CEP295: variants seen among roughly 807,000 people sequenced by gnomAD.
The protein encoded by CEP295 is centrosomal protein 295.
A neutral mutation model predicts 291.6 loss-of-function variants in CEP295; 190 were observed. The observed-to-expected ratio is 0.65, with a 90% CI of 0.58 to 0.73. The LOEUF is 0.73. Among genes scored for constraint, CEP295 ranks in the 30% least tolerant of loss-of-function variants. CEP295 has a pLI of 0.00. For synonymous variants in CEP295, 993 were observed against 1,038.8 expected (o/e 0.96, Z 0.85); for missense variants, 2,863 against 2,949.4 (o/e 0.97, Z 0.68).
At chr11:93,710,251 T>C (rs1186444509) in intron 18 of CEP295, among the ~76,000 whole-genome samples, 1 of 152,222 alleles carries the variant, frequency 6.6e-6, no homozygotes, top group Non-Finnish European at 1.5e-5. Flanking sequence ...CCATTTGGTA[T>C]GATACTAGCT....
intron 15 of CEP295, among the ~76,000 whole-genome samples, chr11:93,700,810 A>T (rs1055238089): frequency 6.6e-6 from 1 of 152,216 alleles, no homozygotes; most frequent in Non-Finnish European, 1.5e-5. Flanking sequence ...ATAACTGGTT[A>T]GCAGAATTTC....
intron 7 of CEP295, among the ~76,000 whole-genome samples, chr11:93,680,728 T>C (rs1229680416): frequency 6.6e-6 from 1 of 152,262 alleles, no homozygotes; most frequent in African/African-American, 2.4e-5. Flanking sequence ...GCTTAACTTC[T>C]GTCATGCTTA....
intron 7 of CEP295, among the ~76,000 whole-genome samples, chr11:93,683,298 G>A (rs1242910007): frequency 3.9e-5 from 6 of 152,158 alleles, no homozygotes; most frequent in African/African-American, 1.4e-4. Flanking sequence ...CTCTTTCATT[G>A]TACTTACTAA....
intron 9 of CEP295, among the ~76,000 whole-genome samples, chr11:93,686,178 G>T (rs978855825): frequency 6.6e-6 from 1 of 152,046 alleles, no homozygotes; most frequent in Admixed American, 6.6e-5. Flanking sequence ...AATTAGCCGG[G>T]TGTAGTGGCG....
At position 93,727,299 on chromosome 11, in the gene CEP295, AGAAAG is replaced by A. The variant is rs1446111880; in HGVS notation, c.6829_6833del (p.Glu2277TyrfsTer4). 6.4e-7 allele frequency: 1 copy of A among 1,551,746 alleles called. No homozygotes were observed. Among genetic ancestry groups the A allele is most frequent in the Admixed American group, 2.0e-5 (1 of 51,010 alleles). On this transcript the variant is annotated frameshift_variant, in exon 24 of 30. Coordinates refer to ENST00000325212, the MANE Select transcript of CEP295 (RefSeq NM_033395.2). LOFTEE classifies it high-confidence loss of function. Reference sequence around the variant, plus strand: ...CTCAACAAAACACCAACTAGAAAGCAGAAAGGAAAGTATGGGCTTTGAAGAACTAT... The same window carrying A: ...CTCAACAAAACACCAACTAGAAAGCAGAAAGTATGGGCTTTGAAGAACTAT...
intron 8 of CEP295, 27 bp downstream of exon 8, chr11:93,683,769 A>G: frequency 6.6e-7 from 1 of 1,513,782 alleles, no homozygotes; most frequent in African/African-American, 1.4e-5. Flanking sequence ...AGGGCTTTCA[A>G]TAGTGATTTT....
At position 93,691,633 on chromosome 11, in the gene CEP295, G is replaced by C. The variant is rs941928590; in HGVS notation, c.1337-50G>C. On this transcript the variant is annotated intron_variant, in intron 10 of 29. Coordinates refer to ENST00000325212, the MANE Select transcript of CEP295 (RefSeq NM_033395.2). ...CCAGAATTTTGTTATTTTGCTTTAA[G>C]TTTGACAATGATTATATATTCAAAA... 9 of 1,248,870 alleles carry C rather than the reference G, an allele frequency of 7.2e-6. No homozygotes were observed. The African/African-American group carries it at 1.2e-4, about 17-fold the overall frequency. The allele number at this position is 1,248,870 out of a possible 1,614,324, so 77.4% of individuals were successfully genotyped here.
At chr11:93,675,381 ATGAATCTGG>A in intron 5 of CEP295, among the ~76,000 whole-genome samples, 181 bp from the exon 6 acceptor site, 1 of 152,270 alleles carries the variant, frequency 6.6e-6, no homozygotes. Context: ...TGAAATACTG[ATGAATCTGG>A]TACTTTTATT....
At chr11:93,696,113 A>C (rs1951832674) in intron 13 of CEP295, among the ~76,000 whole-genome samples, 1 of 152,186 alleles carries the variant, frequency 6.6e-6, no homozygotes, top group South Asian at 2.1e-4. Context: ...AGATACGACC[A>C]TGGTTTGTAG....
chr11:93,729,832 CT>C, intron 27 of CEP295, 37 bp from the exon 28 acceptor site: 3 of 1,538,024 alleles, frequency 2.0e-6, no homozygotes, highest in Non-Finnish European at 2.6e-6. Context: ...TGTTTAAAGC[CT>C]TGTGTTTACA....
intron 18 of CEP295, among the ~76,000 whole-genome samples, chr11:93,716,902 A>G (rs1162076032): frequency 6.6e-6 from 1 of 152,214 alleles, no homozygotes; most frequent in Non-Finnish European, 1.5e-5. Flanking sequence ...CCTTTGATGT[A>G]CTTCTTAGAC....
At chr11:93,694,787 G>C (rs574389099) in intron 12 of CEP295, among the ~76,000 whole-genome samples, 1 of 152,268 alleles carries the variant, frequency 6.6e-6, no homozygotes, top group Admixed American at 6.5e-5. Flanking sequence ...AATTATTTCT[G>C]GAATTTTCTA....
chr11:93,664,895 A>G (rs1386536866), intron 1 of CEP295, among the ~76,000 whole-genome samples: 2 of 152,220 alleles, frequency 1.3e-5, no homozygotes, highest in Non-Finnish European at 2.9e-5. Flanking sequence ...TTTTTATTAA[A>G]AAACCCATAG....
At chr11:93,685,420 C>A (rs577188355) in intron 9 of CEP295, among the ~76,000 whole-genome samples, 1 of 152,278 alleles carries the variant, frequency 6.6e-6, no homozygotes, top group Admixed American at 6.5e-5. Context: ...TTTTGGGATT[C>A]CAACTTTATG....
chr11:93,692,115 A>C (rs1444770545), intron 12 of CEP295, 85 bp downstream of exon 12: 1 of 707,368 alleles, frequency 1.4e-6, no homozygotes, highest in Non-Finnish European at 2.4e-6. Flanking sequence ...ATTTGTCTTA[A>C]TGTCTGGCTA....
At chr11:93,680,287 A>G (rs568241540) in intron 7 of CEP295, among the ~76,000 whole-genome samples, 99 of 152,262 alleles carry the variant, frequency 6.5e-4, no homozygotes, top group African/African-American at 2.3e-3. Context: ...GTCTCAAAAA[A>G]AATTAAATAA....
intron 16 of CEP295, 68 bp downstream of exon 16, chr11:93,702,705 C>G (rs1055002075): frequency 2.3e-5 from 35 of 1,530,600 alleles, no homozygotes; most frequent in Non-Finnish European, 3.0e-5. Flanking sequence ...CTGTAGCTTG[C>G]TAGTTGAAGA....
chr11:93,727,485 C>T lies in CEP295; in HGVS notation c.7009C>T (p.Pro2337Ser). ...TVEMGTSIQA[P>S]YSLTTQNEKY... is the part of the protein sequence containing the mutation. ...GGAGATGGGAACTTCAATTCAGGCA[C>T]CATATTCCTTAACTACTCAAAATGA... The change falls in exon 24 of 30, where the codon CCA becomes TCA. Residue 2337 changes from proline to serine, a missense_variant. Pro to Ser is a moderately conservative substitution (Grantham distance 74). Around this residue, in one of 3 missense-constraint regions of CEP295, gnomAD observed 2,295 missense variants for 2,335.7 expected, o/e 0.98. Transcript: ENST00000325212. 1 of 1,551,950 alleles carries T rather than the reference C, an allele frequency of 6.4e-7. No individual in the cohort carries two copies. The highest frequency in any genetic ancestry group is 8.7e-7 in the Non-Finnish European group (1 of 1,147,040).
Position 93,726,976 on chromosome 11 carries a change from G to T in CEP295, c.6500G>T (p.Gly2167Val). ...HSFATENIIG[G>V]SEQCFEQLQP... is the part of the protein sequence containing the mutation. ...CTGATTTTTGAATTTCTTAATGCAG[G>T]ATCTGAACAATGTTTTGAACAGCTT... Residue 2167 changes from glycine (G) to valine (V), a missense_variant and splice_region_variant, in exon 24 of 30, where the codon GGA (glycine) becomes GTA (valine). By Grantham distance (109) the Gly-to-Val change is moderately radical. Coordinates refer to ENST00000325212, the MANE Select transcript of CEP295 (RefSeq NM_033395.2). 1 of 1,503,048 alleles carries T rather than the reference G, an allele frequency of 6.7e-7. No homozygotes were observed. The highest frequency in any genetic ancestry group is 8.9e-7 in the Non-Finnish European group (1 of 1,126,432). 93.1% of individuals were successfully genotyped at this position (1,503,048 alleles called of 1,614,324 possible).
Sources: allele counts gnomAD v4.1 joint callset (sites outside exome capture counted in the v4.1 genomes callset), GRCh38; gene constraint gnomAD v4.1.1; regional missense constraint gnomAD v4.1.1; transcripts MANE v1.5; gene names NCBI Gene and HGNC (gene_info 2026-07-23, HGNC 2026-07-21).